The following POU6F2 variants were observed in gnomAD, a reference collection of about 807,000 sequenced individuals.
POU6F2 encodes the protein POU class 6 homeobox 2.
A neutral mutation model predicts 71.3 loss-of-function variants in POU6F2; 31 were observed. That is an observed-to-expected ratio of 0.43 (90% confidence interval 0.33 to 0.59). POU6F2 has a LOEUF of 0.59. POU6F2 is among the 20% of genes least tolerant of loss of function. POU6F2 has a pLI of 0.04. For synonymous variants in POU6F2, 347 were observed against 355.7 expected (o/e 0.98, Z 0.27); for missense variants, 783 against 856.8 (o/e 0.91, Z 1.07).
intron 4 of POU6F2, among the ~76,000 whole-genome samples, chr7:39,332,642 T>C (rs1474960486): frequency 1.3e-5 from 2 of 152,226 alleles, no homozygotes; most frequent in African/African-American, 4.8e-5. Flanking sequence ...CTATATAGTT[T>C]TGCTATTGAG....
intron 1 of POU6F2, chr7:39,013,000 C>T (rs1458438448): frequency 6.6e-6 from 1 of 152,270 alleles, no homozygotes; most frequent in Non-Finnish European, 1.5e-5. Flanking sequence ...TGCCCTGCCC[C>T]CAGAGGTGGA....
At chr7:39,299,763 A>C (rs1784919831) in intron 4 of POU6F2, among the ~76,000 whole-genome samples, 1 of 152,208 alleles carries the variant, frequency 6.6e-6, no homozygotes, top group African/African-American at 2.4e-5. Context: ...CAACTCCAAA[A>C]GGGCCTTTGC....
At chr7:39,032,835 T>A (rs1562678715) in intron 1 of POU6F2, among the ~76,000 whole-genome samples, 1 of 152,158 alleles carries the variant, frequency 6.6e-6, no homozygotes, top group Non-Finnish European at 1.5e-5. Flanking sequence ...CCAGAGAGCC[T>A]CCTGGGAGCA....
chr7:39,023,059 A>T (rs940404662), intron 1 of POU6F2, among the ~76,000 whole-genome samples: 19 of 151,968 alleles, frequency 1.3e-4, no homozygotes, highest in African/African-American at 4.3e-4. Context: ...GTGGTATTTC[A>T]TTGTGGCTTT....
chr7:39,338,107 G>C (rs976369662), intron 4 of POU6F2, among the ~76,000 whole-genome samples: 1 of 152,200 alleles, frequency 6.6e-6, no homozygotes, highest in Non-Finnish European at 1.5e-5. Context: ...AAAGACATCA[G>C]GTTAGGTTCG....
At chr7:39,268,064 G>A (rs1396067869) in intron 4 of POU6F2, among the ~76,000 whole-genome samples, 1 of 152,108 alleles carries the variant, frequency 6.6e-6, no homozygotes, top group East Asian at 1.9e-4. Context: ...TAATTCCAGA[G>A]AAGCATTCGC....
intron 1 of POU6F2, among the ~76,000 whole-genome samples, chr7:39,074,315 C>G (rs765331068): frequency 2.0e-5 from 3 of 152,072 alleles, no homozygotes; most frequent in Non-Finnish European, 4.4e-5. Context: ...GACATCCCAT[C>G]TCTACTAAAA....
intron 1 of POU6F2, among the ~76,000 whole-genome samples, chr7:39,021,496 GT>G (rs1323032100): frequency 1.3e-5 from 2 of 151,822 alleles, no homozygotes; most frequent in African/African-American, 4.8e-5. Flanking sequence ...TATCTGAAAT[GT>G]TAGTTCCATA....
rs564316167 is a variant in POU6F2, at chr7:39,179,533, G to GCACACA, written c.278-24690_278-24685dup. 4.3e-3 allele frequency among the ~76,000 whole-genome samples: 645 copies of GCACACA among 151,546 alleles called. 2 individuals carry two copies. The highest frequency in any genetic ancestry group is 6.2e-3 in the Non-Finnish European group (418 of 67,762). ...TGAGACCGCACGCGCGCACATGCGC[G>GCACACA]CACACACACACACACACGCACACAG... On this transcript the variant is annotated intron_variant, in intron 2 of 9. Coordinates refer to ENST00000518318, the MANE Select transcript of POU6F2 (RefSeq NM_001370959.1).
intron 2 of POU6F2, among the ~76,000 whole-genome samples, chr7:39,158,228 A>G (rs1792914912): frequency 6.6e-6 from 1 of 152,190 alleles, no homozygotes; most frequent in Non-Finnish European, 1.5e-5. Context: ...ATTTTTTAAA[A>G]GCATTCGTCA....
At chr7:39,043,870 A>G (rs576960927) in intron 1 of POU6F2, among the ~76,000 whole-genome samples, 2 of 152,022 alleles carry the variant, frequency 1.3e-5, no homozygotes, top group East Asian at 1.9e-4. Context: ...TTGGTCCTCC[A>G]TTGTCCAGGT....
At chr7:39,004,758 A>T (rs1789010492) in intron 1 of POU6F2, among the ~76,000 whole-genome samples, 1 of 152,212 alleles carries the variant, frequency 6.6e-6, no homozygotes, top group African/African-American at 2.4e-5. Context: ...TAATAAAAAT[A>T]TACTGAAAAT....
chr7:39,448,209 C>T (rs549704177), intron 7 of POU6F2, among the ~76,000 whole-genome samples: 6 of 152,210 alleles, frequency 3.9e-5, no homozygotes, highest in Middle Eastern at 3.4e-3. Flanking sequence ...GTTATGAAGG[C>T]GAGAGGTCAG....
intron 6 of POU6F2, among the ~76,000 whole-genome samples, chr7:39,407,631 T>C (rs1393785840): frequency 6.6e-6 from 1 of 151,866 alleles, no homozygotes; most frequent in African/African-American, 2.4e-5. Context: ...TCACAAAGAC[T>C]TTTCCCCCCA....
rs139522128 is a variant in POU6F2 at position 39,129,236 on chromosome 7, A to C, written c.277+43205A>C. 3.6e-3 allele frequency among the ~76,000 whole-genome samples: 546 copies of C among 152,262 alleles called. 1 individual carries two copies. The highest frequency in any genetic ancestry group is 0.012 in the African/African-American group (505 of 41,530). Reference sequence around the variant, plus strand: ...CTCCTTGGGAATCTCAAGGTTAGCAACTCCAAAGATGTGAGTTCAAGTCCC... The same window carrying C: ...CTCCTTGGGAATCTCAAGGTTAGCACCTCCAAAGATGTGAGTTCAAGTCCC... On this transcript the variant is annotated intron_variant, in intron 2 of 9. Transcript: ENST00000518318.
At chr7:39,191,640 C>A (rs996268600) in intron 2 of POU6F2, among the ~76,000 whole-genome samples, 1 of 152,152 alleles carries the variant, frequency 6.6e-6, no homozygotes, top group Non-Finnish European at 1.5e-5. Flanking sequence ...ATAATCTGAA[C>A]AAGTTCTGTG....
intron 1 of POU6F2, among the ~76,000 whole-genome samples, chr7:38,998,886 G>A (rs1229017): frequency 0.2 from 29,238 of 147,054 alleles, 3,046 homozygotes; most frequent in Middle Eastern, 0.27. Context: ...GGATGGTCTC[G>A]ATCTCCTAAC....
At chr7:39,027,747 G>C (rs1164042787) in intron 1 of POU6F2, among the ~76,000 whole-genome samples, 1 of 152,100 alleles carries the variant, frequency 6.6e-6, no homozygotes, top group Non-Finnish European at 1.5e-5. Context: ...CATACACCTC[G>C]TGCTCCATCT....
chr7:39,235,033 A>C (rs1472865406), intron 4 of POU6F2, among the ~76,000 whole-genome samples: 1 of 152,166 alleles, frequency 6.6e-6, no homozygotes, highest in African/African-American at 2.4e-5. Flanking sequence ...CGCCTTGTAG[A>C]TTCTGTCTCT....
Sources: allele counts gnomAD v4.1 joint callset (sites outside exome capture counted in the v4.1 genomes callset), GRCh38; gene constraint gnomAD v4.1.1; transcripts MANE v1.5; gene names NCBI Gene and HGNC (gene_info 2026-07-23, HGNC 2026-07-21).